Variants in TLN2 observed in about 807,000 individuals in gnomAD.
TLN2 encodes talin 2.
A neutral mutation model predicts 294.7 loss-of-function variants in TLN2; 118 were observed. That is an observed-to-expected ratio of 0.40 (90% CI 0.34 to 0.47). TLN2 has a LOEUF of 0.47. TLN2 is among the 20% of genes least tolerant of loss of function. TLN2 has a pLI of 0.84. For synonymous variants in TLN2, 1,431 were observed against 1,304.5 expected, an observed-to-expected ratio of 1.10 and a Z score of -2.09; for missense variants, 3,083 against 3,282.2, an observed-to-expected ratio of 0.94 and a Z score of 1.48.
intron 9 of TLN2, among the ~76,000 whole-genome samples, chr15:62,671,693 A>G (rs142661302): frequency 1.3e-5 from 2 of 152,292 alleles, no homozygotes; most frequent in African/African-American, 4.8e-5. Flanking sequence ...CTTTGTAGTA[A>G]ATATATTTCT....
intron 1 of TLN2, among the ~76,000 whole-genome samples, chr15:62,528,083 T>C (rs2040835857): frequency 6.6e-6 from 1 of 152,238 alleles, no homozygotes; most frequent in Admixed American, 6.5e-5. Context: ...GCATATACTT[T>C]TGTTCATTAA....
intron 1 of TLN2, among the ~76,000 whole-genome samples, chr15:62,499,401 G>C (rs1037032582): frequency 3.3e-5 from 5 of 152,180 alleles, no homozygotes; most frequent in African/African-American, 1.2e-4. Context: ...GGTGAGCTGA[G>C]ATTGCACTAC....
At chr15:62,692,964 G>A in intron 13 of TLN2, 23 bp downstream of exon 13, 1 of 1,583,416 alleles carries the variant, frequency 6.3e-7, no homozygotes, top group South Asian at 1.2e-5. Flanking sequence ...GATGCAAATT[G>A]GAAAAGCAAG....
At chr15:62,616,254 G>T (rs923392924) in intron 2 of TLN2, among the ~76,000 whole-genome samples, 10 of 152,076 alleles carry the variant, frequency 6.6e-5, no homozygotes, top group Admixed American at 2.0e-4. Flanking sequence ...CGATAGTTGG[G>T]TTATACGAAT....
intron 4 of TLN2, among the ~76,000 whole-genome samples, chr15:62,648,310 C>A (rs2052145375): frequency 7.0e-6 from 1 of 143,502 alleles, no homozygotes; most frequent in South Asian, 2.2e-4. Context: ...AGTCTCAGGG[C>A]AGGAAAGTAG....
chr15:62,830,285 T>TGGTGAGAA (rs1174190723), intron 54 of TLN2: 10 of 152,410 alleles, frequency 6.6e-5, no homozygotes, highest in African/African-American at 2.4e-4. Flanking sequence ...TGAGCCTCTC[T>TGGTGAGAA]GGTGAGAAGG....
intron 3 of TLN2, chr15:62,638,535 G>A (rs750482310): frequency 4.4e-6 from 2 of 455,952 alleles, no homozygotes; most frequent in African/African-American, 4.0e-5. Context: ...GTTCACTGTG[G>A]CAGTGTGAGA....
chr15:62,604,548 A>G (rs2047265245), intron 2 of TLN2, among the ~76,000 whole-genome samples: 1 of 142,404 alleles, frequency 7.0e-6, no homozygotes. Flanking sequence ...AAAAAAAAAG[A>G]AAAGGGTGGG....
chr15:62,608,044 C>T (rs752687198), intron 2 of TLN2, among the ~76,000 whole-genome samples: 3 of 152,266 alleles, frequency 2.0e-5, no homozygotes, highest in Non-Finnish European at 2.9e-5. Flanking sequence ...AATACTTTGG[C>T]GTATCTGAAG....
At chr15:62,622,451 A>C (rs1399843026) in intron 3 of TLN2, among the ~76,000 whole-genome samples, 1 of 152,180 alleles carries the variant, frequency 6.6e-6, no homozygotes, top group Non-Finnish European at 1.5e-5. Flanking sequence ...TCCATTCTGT[A>C]GGGTGGAAAC....
chr15:62,731,253 T>C (rs988865708), intron 28 of TLN2, among the ~76,000 whole-genome samples: 12 of 152,196 alleles, frequency 7.9e-5, no homozygotes, highest in African/African-American at 2.9e-4. Context: ...AATATCTGGA[T>C]AGCCTGTAGC....
rs1434727666 is a variant in TLN2 at position 62,771,035 on chromosome 15, T to C, written c.5268T>C (p.Asp1756=). The change falls in exon 42 of 59, where the codon GAT becomes GAC. Residue 1756 remains aspartate (D), a synonymous_variant. Coordinates refer to ENST00000636159, the MANE Select transcript of TLN2 (RefSeq NM_015059.3). ...TTGGTGTGGCCTCCAAGATTCTTGA[T>C]CATCAGCAGCAGATGACGGTGCTGG... ...AAVGVASKIL[D]HQQQMTVLDQ... 1 of 1,613,388 alleles carries C rather than the reference T, an allele frequency of 6.2e-7. No individual in the cohort carries two copies. Among genetic ancestry groups the C allele is most frequent in the East Asian group, 2.2e-5 (1 of 44,864 alleles).
intron 1 of TLN2, among the ~76,000 whole-genome samples, chr15:62,525,418 C>T (rs1477146384): frequency 6.6e-6 from 1 of 152,184 alleles, no homozygotes; most frequent in Non-Finnish European, 1.5e-5. Context: ...TGAATACATC[C>T]TGCTGTTCAC....
chr15:62,800,882 G>C, intron 50 of TLN2, 113 bp downstream of exon 50: 1 of 800,606 alleles, frequency 1.2e-6, no homozygotes, highest in Admixed American at 2.7e-5. Flanking sequence ...CCTGAACTGA[G>C]AATGCCCCTT....
At chr15:62,686,831 G>A (rs765261008) in intron 12 of TLN2, 35 bp downstream of exon 12, 26 of 1,607,358 alleles carry the variant, frequency 1.6e-5, no homozygotes, top group African/African-American at 9.4e-5. Context: ...GAGCACTAGC[G>A]TGGCCTTGAG....
At chr15:62,784,028 A>G in intron 45 of TLN2, 138 bp downstream of exon 45, 2 of 1,440,870 alleles carry the variant, frequency 1.4e-6, no homozygotes, top group South Asian at 1.3e-5. Context: ...CCACCACTGC[A>G]CAGCACAGGT....
chr15:62,471,959 C>G (rs1414581053), intron 1 of TLN2, among the ~76,000 whole-genome samples: 1 of 152,138 alleles, frequency 6.6e-6, no homozygotes, highest in Non-Finnish European at 1.5e-5. Context: ...CATTTCCTGC[C>G]TCCTTTCTTC....
At chr15:62,693,816 T>G (rs1339378559) in intron 13 of TLN2, among the ~76,000 whole-genome samples, 5 of 152,106 alleles carry the variant, frequency 3.3e-5, no homozygotes, top group African/African-American at 9.7e-5. Context: ...TTTCTCTTTT[T>G]TATTATTATG....
intron 3 of TLN2, chr15:62,644,653 C>T (rs1356153837): frequency 8.8e-6 from 4 of 454,518 alleles, no homozygotes; most frequent in Non-Finnish European, 1.8e-5. Context: ...CCCGCAGCCC[C>T]AGGCGTCTTG....
Sources: allele counts gnomAD v4.1 joint callset (sites outside exome capture counted in the v4.1 genomes callset), GRCh38; gene constraint gnomAD v4.1.1; transcripts MANE v1.5; gene names NCBI Gene and HGNC (gene_info 2026-07-23, HGNC 2026-07-21).